The following ALX1 variants were observed in gnomAD, a reference collection of about 807,000 sequenced individuals.
The protein encoded by ALX1 is ALX homeobox 1, also known as ALX homeobox protein 1.
ALX1 carries 19 observed loss-of-function variants against 31.7 expected under a neutral mutation model. The ratio of observed to expected loss-of-function variants is 0.60; its 90% CI spans 0.42 to 0.88. The LOEUF (loss-of-function observed/expected upper bound fraction) is 0.88, where lower values mean the gene tolerates loss of function less well. Ranked by LOEUF, ALX1 falls within the 40% of genes least tolerant of loss-of-function variation. ALX1 has a pLI of 0.00. For missense variants in ALX1, 415 were observed against 407.8 expected, an observed-to-expected ratio of 1.02 and a Z score of -0.15; for synonymous variants, 153 against 148.8, an observed-to-expected ratio of 1.03 and a Z score of -0.20.
chr12:85,293,872 A>G (rs909750201), intron 3 of ALX1, among the ~76,000 whole-genome samples: 1 of 151,192 alleles, frequency 6.6e-6, no homozygotes, highest in African/African-American at 2.4e-5. Context: ...CTTATGATAT[A>G]CTTTAATCCA....
chr12:85,285,615 A>G (rs1411887299), intron 2 of ALX1, among the ~76,000 whole-genome samples: 1 of 151,970 alleles, frequency 6.6e-6, no homozygotes, highest in Non-Finnish European at 1.5e-5. Flanking sequence ...AAAAAATTAA[A>G]CTGAGTATTA....
rs1290662539 is a variant in ALX1, at chr12:85,286,912, A to G, written c.591A>G (p.Gln197=). ...WRKRERYGQI[Q]QAKSHFAATY... The stretch of plus-strand genomic sequence containing the variant: ...AAAGGGAACGTTATGGCCAAATACA[A>G]CAAGCGAAAAGCCATTTTGCTGCCA... Residue 197 remains glutamine (Q), a synonymous_variant, in exon 3 of 4, where the codon CAA becomes CAG. Transcript: ENST00000316824. The G allele has an allele frequency of 1.9e-6, 3 of 1,612,152 alleles. No individual in the cohort carries two copies. Among genetic ancestry groups the G allele is most frequent in the Non-Finnish European group, 2.5e-6 (3 of 1,178,696 alleles).
intron 3 of ALX1, among the ~76,000 whole-genome samples, chr12:85,289,567 G>A (rs1233702642): frequency 2.6e-5 from 4 of 150,954 alleles, no homozygotes; most frequent in Non-Finnish European, 5.9e-5. Context: ...TATACCACCT[G>A]ATAATTTAAG....
At chr12:85,294,048 A>C (rs1044830552) in intron 3 of ALX1, among the ~76,000 whole-genome samples, 24 of 151,260 alleles carry the variant, frequency 1.6e-4, no homozygotes, top group African/African-American at 4.8e-4. Flanking sequence ...AGAGATGATG[A>C]GTAAAATCAA....
intron 1 of ALX1, among the ~76,000 whole-genome samples, chr12:85,281,498 C>A (rs1224002338): frequency 6.6e-6 from 1 of 152,112 alleles, no homozygotes; most frequent in Non-Finnish European, 1.5e-5. Context: ...TACAACAAGC[C>A]CCCTGCCCCC....
intron 2 of ALX1, among the ~76,000 whole-genome samples, chr12:85,285,829 G>A (rs1281749664): frequency 6.6e-6 from 1 of 151,746 alleles, no homozygotes; most frequent in African/African-American, 2.4e-5. Context: ...CTCCTATAAT[G>A]TTCATTTAAA....
At chr12:85,284,197 A>G (rs959711658) in intron 2 of ALX1, among the ~76,000 whole-genome samples, 7 of 148,218 alleles carry the variant, frequency 4.7e-5, no homozygotes, top group African/African-American at 1.8e-4. Context: ...AATCATGACT[A>G]TTTAGTAATT....
At chr12:85,291,530 A>G (rs2137385606) in intron 3 of ALX1, among the ~76,000 whole-genome samples, 1 of 151,314 alleles carries the variant, frequency 6.6e-6, no homozygotes, top group Non-Finnish European at 1.5e-5. Context: ...CTTAAGGTAT[A>G]AGTATTTCCT....
At chr12:85,286,761 T>C in intron 2 of ALX1, 92 bp from the exon 3 acceptor site, 3 of 1,199,816 alleles carry the variant, frequency 2.5e-6, no homozygotes, top group Non-Finnish European at 2.3e-6. Flanking sequence ...TTTTTTAACC[T>C]GGTTTACCTT....
chr12:85,288,394 C>A (rs1177015679), intron 3 of ALX1, among the ~76,000 whole-genome samples: 1 of 151,564 alleles, frequency 6.6e-6, no homozygotes, highest in Non-Finnish European at 1.5e-5. Context: ...TATTTTAAAG[C>A]ATGAGGCTAC....
chr12:85,284,001 A>AAT, intron 2 of ALX1, 125 bp downstream of exon 2: 11 of 1,015,508 alleles, frequency 1.1e-5, no homozygotes. Context: ...GAAACGGAGT[A>AAT]ATATATATGA....
chr12:85,280,508 C>A (rs1397624448), intron 1 of ALX1, 21 bp downstream of exon 1: 1 of 1,605,042 alleles, frequency 6.2e-7, no homozygotes, highest in Admixed American at 1.7e-5. Context: ...AGCGCCCCAG[C>A]CGGAGCCGCC....
At chr12:85,285,894 A>T (rs1896740868) in intron 2 of ALX1, among the ~76,000 whole-genome samples, 1 of 151,948 alleles carries the variant, frequency 6.6e-6, no homozygotes, top group African/African-American at 2.4e-5. Flanking sequence ...TTAATATTAA[A>T]GTGAAGATAT....
chr12:85,281,512 T>A (rs1012126939), intron 1 of ALX1, among the ~76,000 whole-genome samples: 1 of 152,184 alleles, frequency 6.6e-6, no homozygotes, highest in African/African-American at 2.4e-5. Context: ...TGCCCCCTAT[T>A]TTATAGAAAT....
chr12:85,291,797 G>A (rs568830601), intron 3 of ALX1, among the ~76,000 whole-genome samples: 8 of 151,140 alleles, frequency 5.3e-5, no homozygotes, highest in Admixed American at 1.3e-4. Context: ...GAAAAGGAAA[G>A]CCCTCTGTTT....
intron 3 of ALX1, among the ~76,000 whole-genome samples, chr12:85,293,480 T>C (rs1398586217): frequency 6.6e-6 from 1 of 150,774 alleles, no homozygotes; most frequent in Non-Finnish European, 1.5e-5. Flanking sequence ...TTCTGTTGCA[T>C]ATACAAAGAC....
intron 1 of ALX1, among the ~76,000 whole-genome samples, chr12:85,281,614 A>G (rs994343343): frequency 6.6e-6 from 1 of 152,242 alleles, no homozygotes; most frequent in African/African-American, 2.4e-5. Context: ...ATATTTAACT[A>G]ATTTTATTTA....
intron 1 of ALX1, among the ~76,000 whole-genome samples, chr12:85,281,424 T>G (rs1022372371): frequency 6.6e-6 from 1 of 152,204 alleles, no homozygotes; most frequent in Non-Finnish European, 1.5e-5. Flanking sequence ...TTGTATATAT[T>G]CCACAGTTAA....
At chr12:85,291,329 G>A (rs577394210) in intron 3 of ALX1, among the ~76,000 whole-genome samples, 1 of 151,070 alleles carries the variant, frequency 6.6e-6, no homozygotes, top group East Asian at 1.9e-4. Context: ...TAAAAACTGG[G>A]TAATATTTGT....
Sources: gnomAD v4.1 joint callset for allele counts (sites outside exome capture counted in the v4.1 genomes callset) on GRCh38, gnomAD v4.1.1 for gene constraint, MANE v1.5 for transcripts, NCBI Gene and HGNC (gene_info 2026-07-23, HGNC 2026-07-21) for gene names.